The following BOK variants were observed in gnomAD, a reference collection of about 807,000 sequenced individuals.
BOK encodes the protein BCL2 family apoptosis regulator BOK.
In BOK, 20 loss-of-function variants were observed where a neutral mutation model predicts 18.3. The observed-to-expected ratio is 1.09, with a 90% CI of 0.77 to 1.59. The LOEUF (loss-of-function observed/expected upper bound fraction) is 1.59. BOK is among the 40% of genes most tolerant of loss of function. The pLI, the probability that BOK is intolerant of heterozygous loss-of-function variation, is 0.00. For synonymous variants in BOK, 173 were observed against 142.4 expected, an observed-to-expected ratio of 1.21 and a Z score of -1.53; for missense variants, 348 against 307.9, an observed-to-expected ratio of 1.13 and a Z score of -0.97.
upstream of BOK, among the ~76,000 whole-genome samples, chr2:241,556,941 C>T (rs1387079809): frequency 6.6e-6 from 1 of 152,086 alleles, no homozygotes; most frequent in Non-Finnish European, 1.5e-5. Flanking sequence ...TCCAGATTTT[C>T]TATTTCTTTT....
At chr2:241,558,471 AC>A (rs2066472880), upstream of BOK, among the ~76,000 whole-genome samples, 1 of 152,250 alleles carries the variant, frequency 6.6e-6, no homozygotes, top group Non-Finnish European at 1.5e-5. Flanking sequence ...ATGCGTCCGG[AC>A]CAAGAACACG....
At chr2:241,553,583 T>C (rs751939560) in intron 1 of BOK, among the ~76,000 whole-genome samples, 5 of 152,280 alleles carry the variant, frequency 3.3e-5, no homozygotes, top group Non-Finnish European at 5.9e-5. Flanking sequence ...AGACGTGTCT[T>C]ACGAGGCGGA....
In BOK at chr2:241,565,278, G is replaced by A. The variant is rs540265602; in HGVS notation, c.349+2802G>A. On this transcript the variant is annotated intron_variant, in intron 3 of 4. Transcript: ENST00000318407. Reference sequence around the variant, plus strand: ...CCCCCACCTGCTGCTACTCTGAGGCGGCCCTGCCCGAGGGGAGCCACGCAG... The same window carrying A: ...CCCCCACCTGCTGCTACTCTGAGGCAGCCCTGCCCGAGGGGAGCCACGCAG... Among the ~76,000 whole-genome samples, 22 of 150,304 alleles carry A rather than the reference G, an allele frequency of 1.5e-4. 1 individual carries two copies. The South Asian group carries it at 3.6e-3, about 24-fold the overall frequency.
At chr2:241,564,435 A>C (rs959698178) in intron 3 of BOK, among the ~76,000 whole-genome samples, 3 of 151,934 alleles carry the variant, frequency 2.0e-5, no homozygotes, top group African/African-American at 7.2e-5. Flanking sequence ...TTTGGCTCCA[A>C]GGCCCCCACG....
chr2:241,572,407 G>C lies in BOK; in HGVS notation c.624G>C (p.Leu208=), dbSNP rs780477765. Residue 208 remains leucine (L), a synonymous_variant, in exon 5 of 5, where the codon CTG becomes CTC. Coordinates refer to ENST00000318407, the MANE Select transcript of BOK (RefSeq NM_032515.5). ...GRFLKAAFFV[L]LPER ...TCCTGAAGGCTGCCTTCTTCGTGCT[G>C]CTGCCAGAGAGATGAGCTGCCCACC... 12 of 1,599,308 alleles carry C rather than the reference G, an allele frequency of 7.5e-6. No individual in the cohort carries two copies. The highest frequency in any genetic ancestry group is 5.1e-5 in the Admixed American group (3 of 59,368).
Position 241,574,066 on chromosome 2 carries a change from G to A in BOK, c.*1644G>A, listed in dbSNP as rs545932576. 6.6e-6 allele frequency: 1 copy of A among 152,386 alleles called. No homozygotes were observed. The highest frequency in any genetic ancestry group is 2.1e-4 in the South Asian group (1 of 4,830). The allele number at this position is 152,386 out of a possible 1,614,324, so 9.4% of individuals were successfully genotyped here. ...GGAAAGCCAGCCCCGGACTCATCGT[G>A]ACATTGAGATCCCACTGGAGGGTAG... On this transcript the variant is annotated 3_prime_UTR_variant, in exon 5 of 5. Coordinates refer to ENST00000318407, the MANE Select transcript of BOK (RefSeq NM_032515.5).
intron 3 of BOK, among the ~76,000 whole-genome samples, chr2:241,563,537 G>A (rs1287064513): frequency 1.3e-5 from 2 of 152,202 alleles, no homozygotes; most frequent in East Asian, 3.8e-4. Flanking sequence ...TGAACCCCGG[G>A]GTGCGCAGGA....
intron 1 of BOK, among the ~76,000 whole-genome samples, chr2:241,552,367 C>A (rs189587550): frequency 6.6e-6 from 1 of 152,188 alleles, no homozygotes; most frequent in South Asian, 2.1e-4. Flanking sequence ...TCCTGCGAGC[C>A]GCTTGTGTTC....
At chr2:241,569,187 C>CGG (rs1559204975) in intron 3 of BOK, among the ~76,000 whole-genome samples, 3 of 152,304 alleles carry the variant, frequency 2.0e-5, no homozygotes, top group African/African-American at 4.8e-5. Flanking sequence ...CTGGAGTGTA[C>CGG]TGGCGCGATC....
intron 3 of BOK, among the ~76,000 whole-genome samples, chr2:241,568,019 G>T (rs142559945): frequency 6.6e-6 from 1 of 152,000 alleles, no homozygotes; most frequent in East Asian, 1.9e-4. Flanking sequence ...TTGCATCCAC[G>T]GACTCACACT....
At chr2:241,554,490 C>T (rs1317713834), upstream of BOK, among the ~76,000 whole-genome samples, 2 of 152,222 alleles carry the variant, frequency 1.3e-5, no homozygotes, top group Admixed American at 6.5e-5. Flanking sequence ...TGGGGGCCCA[C>T]CCGCTTCCAC....
In BOK at chr2:241,567,523, G is replaced by A. The variant is rs1004089259; in HGVS notation, c.350-2602G>A. Among the ~76,000 whole-genome samples, 11 of 135,210 alleles carry A rather than the reference G, an allele frequency of 8.1e-5. 3 individuals are homozygous for A. The highest frequency in any genetic ancestry group is 1.6e-4 in the Non-Finnish European group (10 of 63,112). 88.7% of individuals were successfully genotyped at this position (135,210 alleles called of 152,430 possible). Reference sequence around the variant, plus strand: ...ATCAGGCTCCGCTCCCCGCATGGCCGTGCCCTTGAAGGAGGAACAGCCCCA... The same window carrying A: ...ATCAGGCTCCGCTCCCCGCATGGCCATGCCCTTGAAGGAGGAACAGCCCCA... On this transcript the variant is annotated intron_variant, in intron 3 of 4. Transcript: ENST00000318407.
chr2:241,567,518 T>C (rs1350596265), intron 3 of BOK, among the ~76,000 whole-genome samples: 2 of 135,172 alleles, frequency 1.5e-5, no homozygotes. Context: ...GCTCCCCGCA[T>C]GGCCGTGCCC....
At chr2:241,561,187 G>A (rs1010116336) in intron 2 of BOK, among the ~76,000 whole-genome samples, 7 of 152,244 alleles carry the variant, frequency 4.6e-5, no homozygotes, top group African/African-American at 1.7e-4. Flanking sequence ...TACCCTGTTT[G>A]CTTTGGCTGG....
Position 241,559,648 on chromosome 2 carries a change from T to A in BOK, c.165T>A (p.Arg55=). The change falls in exon 2 of 5, where the codon CGT becomes CGA. Residue 55 remains arginine (R), a synonymous_variant. Transcript: ENST00000318407. ...RAGLSWSAPE[R]AAPVPGRLAE... ...GCCTCTCCTGGAGCGCGCCCGAGCG[T>A]GCCGCGCCGGTCCCGGGACGCCTGG... 7.2e-7 allele frequency: 1 copy of A among 1,395,694 alleles called. No homozygotes were observed. Among genetic ancestry groups the A allele is most frequent in the Admixed American group, 3.5e-5 (1 of 28,720 alleles). 86.5% of individuals were successfully genotyped at this position (1,395,694 alleles called of 1,614,324 possible). A position where few individuals can be genotyped will look rare whatever the true frequency, so the allele number is the denominator to read the frequency against.
rs1424679656 is a variant in BOK at position 241,562,172 on chromosome 2, GA to G, written c.221-175del. On this transcript the variant is annotated intron_variant, in intron 2 of 4. Coordinates refer to ENST00000318407, the MANE Select transcript of BOK (RefSeq NM_032515.5). This position sits in a 1 kb window ranked among gnomAD's most constrained non-coding sequence, Gnocchi z 4.5. ...TGGTCCCTAGGGGCCAAGGTTGGGG[GA>G]TGGCCCAAGGGAGGTCAGATGGGGT... Among the ~76,000 whole-genome samples the G allele has an allele frequency of 6.6e-6, 1 of 152,254 alleles. No individual in the cohort carries two copies. Among genetic ancestry groups the G allele is most frequent in the Non-Finnish European group, 1.5e-5 (1 of 68,040 alleles).
rs2066497045 is a variant in BOK at position 241,559,703 on chromosome 2, G to A, written c.220G>A (p.Gly74Ser). Residue 74 changes from glycine (G) to serine (S), a missense_variant and splice_region_variant, in exon 2 of 5, where the codon GGC becomes AGC. Transcript: ENST00000318407. ...GGTGTGCGCGGTGCTGCTGCGCCTGGGTGAGTGCGCCCTGGTGGGATCCCC... is the reference window on the plus strand; with the variant it reads ...GGTGTGCGCGGTGCTGCTGCGCCTGAGTGAGTGCGCCCTGGTGGGATCCCC... ...AEVCAVLLRL[G>S]DELEMIRPSV... is the part of the protein sequence containing the mutation. 3 of 1,316,408 alleles carry A rather than the reference G, an allele frequency of 2.3e-6. No individual in the cohort carries two copies. The highest frequency in any genetic ancestry group is 1.5e-5 in the African/African-American group (1 of 64,742). 81.5% of individuals were successfully genotyped at this position (1,316,408 alleles called of 1,614,324 possible).
At chr2:241,569,671 G>A (rs528319107) in intron 3 of BOK, among the ~76,000 whole-genome samples, 3 of 151,898 alleles carry the variant, frequency 2.0e-5, no homozygotes, top group Non-Finnish European at 2.9e-5. Flanking sequence ...ACCATCTTTC[G>A]TCCTCTCTTT....
At chr2:241,564,452 CTG>C (rs2066579091) in intron 3 of BOK, among the ~76,000 whole-genome samples, 1 of 151,856 alleles carries the variant, frequency 6.6e-6, no homozygotes, top group Admixed American at 6.6e-5. Flanking sequence ...CACGTGGCAG[CTG>C]AGGGTGGGGG....
Sources: gnomAD v4.1 joint callset for allele counts (sites outside exome capture counted in the v4.1 genomes callset) on GRCh38, gnomAD v4.1.1 for gene constraint, Gnocchi (gnomAD v3.1) non-coding constraint, MANE v1.5 for transcripts, NCBI Gene and HGNC (gene_info 2026-07-23, HGNC 2026-07-21) for gene names.